PRUNE2: variants seen among roughly 807,000 people sequenced by gnomAD.
PRUNE2 encodes protein prune homolog 2.
Under a neutral mutation model 252.0 loss-of-function variants are expected in PRUNE2, and 164 were observed. The observed-to-expected ratio is 0.65, with a 90% CI of 0.57 to 0.74. PRUNE2 has a LOEUF of 0.74. PRUNE2 is among the 30% of genes least tolerant of loss of function. PRUNE2 has a pLI of 0.00. For synonymous variants in PRUNE2, 1,292 were observed against 1,350.2 expected, an observed-to-expected ratio of 0.96 and a Z score of 0.94; for missense variants, 3,495 against 3,711.0, an observed-to-expected ratio of 0.94 and a Z score of 1.51.
intron 12 of PRUNE2, among the ~76,000 whole-genome samples, chr9:76,638,635 A>G (rs1193357564): frequency 6.6e-6 from 1 of 152,226 alleles, no homozygotes; most frequent in East Asian, 1.9e-4. Flanking sequence ...ACTGACCTAA[A>G]TGTCAGATTT....
Position 76,708,247 on chromosome 9 carries a change from C to G in PRUNE2, c.4027G>C (p.Glu1343Gln). 6.2e-7 allele frequency: 1 copy of G among 1,613,924 alleles called. No homozygotes were observed. Among genetic ancestry groups the G allele is most frequent in the Non-Finnish European group, 8.5e-7 (1 of 1,179,880 alleles). Reference protein sequence around the residue: ...ATDRGHLDEEEVIASGVENAS... With the variant: ...ATDRGHLDEEQVIASGVENAS... ...TTCTCCACACCAGAGGCGATCACCTCCTCTTCATCAAGGTGCCCCCTGTCA... is the reference window on the plus strand; with the variant it reads ...TTCTCCACACCAGAGGCGATCACCTGCTCTTCATCAAGGTGCCCCCTGTCA... Residue 1343 changes from glutamate to glutamine, a missense_variant, in exon 8 of 19, where the codon GAG (glutamate) becomes CAG (glutamine). Physicochemically the swap from Glu to Gln is conservative, Grantham distance 29. Coordinates refer to ENST00000376718, the MANE Select transcript of PRUNE2 (RefSeq NM_015225.3).
chr9:76,790,714 G>A (rs2055467792), intron 6 of PRUNE2, among the ~76,000 whole-genome samples: 1 of 152,216 alleles, frequency 6.6e-6, no homozygotes, highest in African/African-American at 2.4e-5. Context: ...TGCCATAAAT[G>A]AGACCTGCTG....
intron 9 of PRUNE2, among the ~76,000 whole-genome samples, chr9:76,683,085 C>T (rs1047035219): frequency 3.3e-5 from 5 of 152,256 alleles, no homozygotes; most frequent in African/African-American, 1.2e-4. Context: ...ATAATTTCTG[C>T]ATCACACTAA....
At chr9:76,844,558 T>C (rs1408345590) in intron 4 of PRUNE2, among the ~76,000 whole-genome samples, 2 of 152,172 alleles carry the variant, frequency 1.3e-5, no homozygotes, top group Non-Finnish European at 2.9e-5. Flanking sequence ...AACAGACTAA[T>C]ATAGTCCTTC....
In PRUNE2 at chr9:76,705,365, G is replaced by A. The variant is rs1402182061; in HGVS notation, c.6909C>T (p.Phe2303=). 2 of 1,613,900 alleles carry A rather than the reference G, an allele frequency of 1.2e-6. No individual in the cohort carries two copies. Among genetic ancestry groups the A allele is most frequent in the East Asian group, 2.2e-5 (1 of 44,890 alleles). ...ATGTGTTGAGACCTGAGGCATCGCT[G>A]AAACTGTGGTCAAAGGCAGCTTCGC... ...DISEAAFDHS[F]SDASGLNTST... The change falls in exon 8 of 19, where the codon TTC becomes TTT. Residue 2303 remains phenylalanine, a synonymous_variant. Transcript: ENST00000376718.
At chr9:76,693,594 C>G (rs1030716469) in intron 9 of PRUNE2, among the ~76,000 whole-genome samples, 7 of 151,808 alleles carry the variant, frequency 4.6e-5, no homozygotes, top group African/African-American at 1.7e-4. Flanking sequence ...CAGGCGTGCA[C>G]CACCACGCCC....
chr9:76,732,985 T>G (rs1431436567), intron 6 of PRUNE2, among the ~76,000 whole-genome samples: 2 of 152,244 alleles, frequency 1.3e-5, no homozygotes, highest in Non-Finnish European at 2.9e-5. Context: ...ACTGGACATC[T>G]GCTTCTCGTC....
rs190604048 is a variant in PRUNE2, at chr9:76,773,696, G to A, written c.756+49936C>T. Reference sequence around the variant, plus strand: ...TGACCTCAGGTGATCCACCTGACTCGGCCTCCCAAAGTGCTGGGATTACAG... The same window carrying A: ...TGACCTCAGGTGATCCACCTGACTCAGCCTCCCAAAGTGCTGGGATTACAG... On this transcript the variant is annotated intron_variant, in intron 6 of 18. Coordinates refer to ENST00000376718, the MANE Select transcript of PRUNE2 (RefSeq NM_015225.3). Among the ~76,000 whole-genome samples the A allele has an allele frequency of 2.3e-4, 35 of 152,088 alleles. No individual in the cohort carries two copies. The East Asian group carries it at 4.3e-3, about 18-fold the overall frequency.
At position 76,709,390 on chromosome 9, in the gene PRUNE2, G is replaced by T; in HGVS notation, c.2884C>A (p.Pro962Thr). ...SNLGEDSVPS[P>T]LDTNYSTSDS... ...GAGGTGGAATAATTGGTATCTAAGG[G>T]GGAAGGCACCGAATCTTCTCCTAGG... The change falls in exon 8 of 19, where the codon CCC (proline) becomes ACC (threonine). Residue 962 changes from proline to threonine, a missense_variant. Coordinates refer to ENST00000376718, the MANE Select transcript of PRUNE2 (RefSeq NM_015225.3). 1 of 1,613,984 alleles carries T rather than the reference G, an allele frequency of 6.2e-7. No individual in the cohort carries two copies. Among genetic ancestry groups the T allele is most frequent in the South Asian group, 1.1e-5 (1 of 91,076 alleles).
At chr9:76,834,283 A>C (rs1160521364) in intron 4 of PRUNE2, among the ~76,000 whole-genome samples, 2 of 152,212 alleles carry the variant, frequency 1.3e-5, no homozygotes, top group African/African-American at 2.4e-5. Flanking sequence ...AATAAAGGAA[A>C]ATAAAGAATA....
chr9:76,720,827 A>G (rs2047573836), intron 6 of PRUNE2, among the ~76,000 whole-genome samples: 1 of 149,916 alleles, frequency 6.7e-6, no homozygotes, highest in African/African-American at 2.5e-5. Flanking sequence ...GAAGTTGCAC[A>G]AAGTTAAATA....
Position 76,709,989 on chromosome 9 carries a change from A to C in PRUNE2, c.2285T>G (p.Ile762Arg), listed in dbSNP as rs759813471. Reference sequence around the variant, plus strand: ...ATGCCACAAAGAAGCAAAGTCTTCTATCAGGTGGTTTGTTCCTTGGGGAGA... The same window carrying C: ...ATGCCACAAAGAAGCAAAGTCTTCTCTCAGGTGGTTTGTTCCTTGGGGAGA... ...NTSPQGTNHLIEDFASLWHSG... is the reference protein window; with the variant it reads ...NTSPQGTNHLREDFASLWHSG... Residue 762 changes from isoleucine (I) to arginine (R), a missense_variant, in exon 8 of 19, where the codon ATA (isoleucine) becomes AGA (arginine). Transcript: ENST00000376718. 7.4e-6 allele frequency: 12 copies of C among 1,613,656 alleles called. No individual in the cohort carries two copies. In the Admixed American group the frequency reaches 1.2e-4, roughly 16 times the overall value.
In PRUNE2 at chr9:76,703,498, G is replaced by C; in HGVS notation, c.8115C>G (p.Gly2705=). 2 of 1,613,760 alleles carry C rather than the reference G, an allele frequency of 1.2e-6. No homozygotes were observed. The highest frequency in any genetic ancestry group is 1.7e-6 in the Non-Finnish European group (2 of 1,179,862). Residue 2705 remains glycine (G), a synonymous_variant, in exon 9 of 19, where the codon GGC becomes GGG. Transcript: ENST00000376718. ...VSQSQKSKSR[G]RAGPDAVTLQ... Reference sequence around the variant, plus strand: ...ACGTAACTGCATCCGGGCCAGCCCTGCCTCGGCTCTTACTCTTCTGTGATT... The same window carrying C: ...ACGTAACTGCATCCGGGCCAGCCCTCCCTCGGCTCTTACTCTTCTGTGATT...
intron 9 of PRUNE2, among the ~76,000 whole-genome samples, chr9:76,666,502 C>T (rs1840695071): frequency 6.6e-6 from 1 of 152,178 alleles, no homozygotes; most frequent in Non-Finnish European, 1.5e-5. Context: ...CTCTGATATG[C>T]AGAAATAATG....
Position 76,748,024 on chromosome 9 carries a change from C to T in PRUNE2, c.757-34303G>A, listed in dbSNP as rs2050290277. Among the ~76,000 whole-genome samples the T allele has an allele frequency of 1.3e-5, 2 of 151,992 alleles. 1 individual carries two copies. Among genetic ancestry groups the T allele is most frequent in the South Asian group, 4.1e-4 (2 of 4,824 alleles). On this transcript the variant is annotated intron_variant, in intron 6 of 18. Transcript: ENST00000376718. ...TCTTGGCCAGGCTGGTTTCAAACTC[C>T]CGACCTCATGATCCACCCATCTCGG... is the stretch of plus-strand genomic sequence containing the variant.
In PRUNE2 at chr9:76,869,784, C is replaced by T. The variant is rs546645828; in HGVS notation, c.37-15576G>A. Among the ~76,000 whole-genome samples, 14 of 152,290 alleles carry T rather than the reference C, an allele frequency of 9.2e-5. No homozygotes were observed. In the South Asian group the frequency reaches 1.0e-3, roughly 11 times the overall value. ...AGAGGCTTCCCACCTTGGGAAAATA[C>T]GGTTTTATGATTCTAAGTAGTAAAT... On this transcript the variant is annotated intron_variant, in intron 1 of 18. Transcript: ENST00000376718.
intron 6 of PRUNE2, among the ~76,000 whole-genome samples, chr9:76,815,304 G>C (rs2057612696): frequency 6.6e-6 from 1 of 152,152 alleles, no homozygotes; most frequent in Non-Finnish European, 1.5e-5. Context: ...GTCCATACAG[G>C]CTGCAATAAC....
chr9:76,714,103 T>C (rs1471407431), intron 6 of PRUNE2, among the ~76,000 whole-genome samples: 2 of 152,218 alleles, frequency 1.3e-5, no homozygotes, highest in South Asian at 2.1e-4. Context: ...ACAATAAGAA[T>C]AGGAGGAAGT....
intron 6 of PRUNE2, chr9:76,758,792 A>C (rs17787305): frequency 0.12 from 18,051 of 151,900 alleles, 1,661 homozygotes; most frequent in East Asian, 0.41. Flanking sequence ...GGCTGAAACC[A>C]CAGGAAATTT....
Sources: gnomAD v4.1 joint callset for allele counts (sites outside exome capture counted in the v4.1 genomes callset) on GRCh38, gnomAD v4.1.1 for gene constraint, MANE v1.5 for transcripts, NCBI Gene and HGNC (gene_info 2026-07-23, HGNC 2026-07-21) for gene names.